Variants in CYB5R4 observed in about 807,000 individuals in gnomAD.
The protein encoded by CYB5R4 is cytochrome b5 reductase 4.
CYB5R4 carries 55 observed loss-of-function variants against 70.2 expected under a neutral mutation model. The ratio of observed to expected loss-of-function variants is 0.78; its 90% CI spans 0.63 to 0.98. The LOEUF (loss-of-function observed/expected upper bound fraction) is 0.98. Ranked by LOEUF, CYB5R4 falls within the 50% of genes least tolerant of loss-of-function variation. The probability of loss-of-function intolerance (pLI) is 0.00; values close to 1 mark genes in which losing one functional copy is unlikely to be tolerated. For missense variants in CYB5R4, 562 were observed against 612.6 expected (o/e 0.92, Z 0.87); for synonymous variants, 197 against 199.5 (o/e 0.99, Z 0.11).
chr6:83,926,923 G>T lies in CYB5R4; in HGVS notation c.814+2331G>T, dbSNP rs376528760. 2.6e-5 allele frequency among the ~76,000 whole-genome samples: 4 copies of T among 152,128 alleles called. No homozygotes were observed. The South Asian group carries it at 8.3e-4, about 31-fold the overall frequency. On this transcript the variant is annotated intron_variant, in intron 10 of 15. Transcript: ENST00000369681. Reference sequence around the variant, plus strand: ...GTCCTGCCAGTTTCTGGGCCTTAAAGGAATTTTGTATTATAAGCATGTTGG... The same window carrying T: ...GTCCTGCCAGTTTCTGGGCCTTAAATGAATTTTGTATTATAAGCATGTTGG...
Position 83,961,620 on chromosome 6 carries a change from C to CA in CYB5R4, c.*1744dup, listed in dbSNP as rs2099473358. 6.6e-6 allele frequency: 1 copy of CA among 152,482 alleles called. No homozygotes were observed. Among genetic ancestry groups the CA allele is most frequent in the Non-Finnish European group, 1.5e-5 (1 of 68,330 alleles). 9.4% of individuals were successfully genotyped at this position (152,482 alleles called of 1,614,324 possible). A position where few individuals can be genotyped will look rare whatever the true frequency, so the allele number is the denominator to read the frequency against. The stretch of plus-strand genomic sequence containing the variant: ...TCCCCAGCCATGCAGAACTGTGAGT[C>CA]AATTAAACCTCTTTTCTTCATAAAT... On this transcript the variant is annotated 3_prime_UTR_variant, in exon 16 of 16. Transcript: ENST00000369681.
intron 1 of CYB5R4, among the ~76,000 whole-genome samples, chr6:83,860,966 T>C (rs914360492): frequency 2.6e-5 from 4 of 152,236 alleles, no homozygotes; most frequent in Non-Finnish European, 5.9e-5. Context: ...CGTAGGCTTG[T>C]GTTGTGGTTC....
intron 2 of CYB5R4, among the ~76,000 whole-genome samples, chr6:83,866,399 G>C (rs1324743229): frequency 2.6e-5 from 4 of 152,102 alleles, no homozygotes; most frequent in Non-Finnish European, 5.9e-5. Flanking sequence ...ATACTTACTG[G>C]TTGAGCATCC....
chr6:83,893,401 G>C, intron 2 of CYB5R4, 121 bp from the exon 3 acceptor site: 1 of 622,990 alleles, frequency 1.6e-6, no homozygotes. Flanking sequence ...TTGATACTTT[G>C]AAATAACAGT....
chr6:83,928,889 A>G (rs2099467729), intron 10 of CYB5R4, among the ~76,000 whole-genome samples: 1 of 152,226 alleles, frequency 6.6e-6, no homozygotes, highest in Non-Finnish European at 1.5e-5. Context: ...AATACTAGTT[A>G]GAACGACATC....
rs770988539 is a variant in CYB5R4 at position 83,918,099 on chromosome 6, A to T, written c.506+34A>T. 3.4e-5 allele frequency: 51 copies of T among 1,496,010 alleles called. 1 individual carries two copies. Among genetic ancestry groups the T allele is most frequent in the Non-Finnish European group, 4.4e-5 (47 of 1,077,006 alleles). The allele number at this position is 1,496,010 out of a possible 1,614,324, so 92.7% of individuals were successfully genotyped here. On this transcript the variant is annotated intron_variant, in intron 6 of 15. Coordinates refer to ENST00000369681, the MANE Select transcript of CYB5R4 (RefSeq NM_016230.4). ...TCTTATTTAAAATTTTTAAAGTTAA[A>T]TCAATTATGTACAAAAATGTACACA...
chr6:83,933,517 A>G (rs569279818), intron 10 of CYB5R4, among the ~76,000 whole-genome samples: 4 of 152,304 alleles, frequency 2.6e-5, no homozygotes, highest in African/African-American at 9.6e-5. Flanking sequence ...GAATATTTTT[A>G]GCTTAAAAAA....
intron 4 of CYB5R4, chr6:83,910,035 G>T: frequency 6.2e-7 from 1 of 1,611,982 alleles, no homozygotes; most frequent in Non-Finnish European, 8.5e-7. Flanking sequence ...AAGCTGGTAC[G>T]CATGCATTGG....
At chr6:83,931,689 A>G (rs1420715457) in intron 10 of CYB5R4, among the ~76,000 whole-genome samples, 3 of 151,750 alleles carry the variant, frequency 2.0e-5, no homozygotes, top group Non-Finnish European at 4.4e-5. Context: ...ATTTTTTAGC[A>G]TAATTACCTG....
rs1296429292 is a variant in CYB5R4, at chr6:83,934,657, T to C, written c.877T>C (p.Phe293Leu). Residue 293 changes from phenylalanine to leucine, a missense_variant, in exon 11 of 16, where the codon TTC becomes CTC. Physicochemically the swap from Phe to Leu is conservative, Grantham distance 22. Transcript: ENST00000369681. ...KEDVTHDTRL[F>L]CLMLPPSTHL... is the part of the protein sequence containing the mutation. ...AGATGTTACTCATGATACGAGGCTT[T>C]TCTGTTTGATGCTGCCACCAAGCAC... 3.1e-6 allele frequency: 5 copies of C among 1,613,610 alleles called. No homozygotes were observed. The African/African-American group carries it at 6.7e-5, about 22-fold the overall frequency.
chr6:83,862,562 C>A (rs890830162), intron 1 of CYB5R4, among the ~76,000 whole-genome samples: 2 of 152,116 alleles, frequency 1.3e-5, no homozygotes, highest in Non-Finnish European at 2.9e-5. Flanking sequence ...ATAATCAGTT[C>A]CCATTTGGCT....
At chr6:83,953,468 G>GA (rs973932410) in intron 14 of CYB5R4, among the ~76,000 whole-genome samples, 34 of 150,350 alleles carry the variant, frequency 2.3e-4, no homozygotes, top group African/African-American at 6.8e-4. Flanking sequence ...TCTTTAGCTA[G>GA]AAAAAAAACA....
chr6:83,900,878 G>A (rs1019774237), intron 3 of CYB5R4, among the ~76,000 whole-genome samples: 51 of 152,116 alleles, frequency 3.4e-4, no homozygotes, highest in Middle Eastern at 3.2e-3. Context: ...CGTGAGATGG[G>A]TTTCCTGAAT....
At chr6:83,910,755 TA>T (rs1266502980) in intron 4 of CYB5R4, among the ~76,000 whole-genome samples, 4 of 152,132 alleles carry the variant, frequency 2.6e-5, no homozygotes, top group Non-Finnish European at 5.9e-5. Flanking sequence ...CAGAGTTGAT[TA>T]AAAAAATGAC....
At chr6:83,898,913 G>A (rs1483927559) in intron 3 of CYB5R4, among the ~76,000 whole-genome samples, 1 of 152,198 alleles carries the variant, frequency 6.6e-6, no homozygotes, top group African/African-American at 2.4e-5. Flanking sequence ...TCTGCAAACA[G>A]GGACAATTTG....
rs1180800510 is a variant in CYB5R4, at chr6:83,962,454, T to A, written c.*2576T>A. The A allele has an allele frequency of 6.6e-6, 1 of 152,240 alleles. No homozygotes were observed. The highest frequency in any genetic ancestry group is 1.5e-5 in the Non-Finnish European group (1 of 68,032). 9.4% of individuals were successfully genotyped at this position (152,240 alleles called of 1,614,324 possible). On this transcript the variant is annotated 3_prime_UTR_variant, in exon 16 of 16. Coordinates refer to ENST00000369681, the MANE Select transcript of CYB5R4 (RefSeq NM_016230.4). ...TCACATATTTGCAGTGAAGAAGAAT[T>A]ACGCTCAAAGTCACATTTGCTTGCA...
At chr6:83,933,095 T>G (rs910493851) in intron 10 of CYB5R4, among the ~76,000 whole-genome samples, 9 of 152,168 alleles carry the variant, frequency 5.9e-5, no homozygotes, top group African/African-American at 1.4e-4. Flanking sequence ...GAGAAAGAAA[T>G]AAAGAGATCA....
Position 83,885,589 on chromosome 6 carries a change from G to A in CYB5R4, c.230-7933G>A, listed in dbSNP as rs1445277640. On this transcript the variant is annotated intron_variant, in intron 2 of 15. Coordinates refer to ENST00000369681, the MANE Select transcript of CYB5R4 (RefSeq NM_016230.4). ...GATAGATTAGTAGGTATAAAATGTC[G>A]CTTTAATCTTGCATTGTACTACCTT... 3.9e-5 allele frequency among the ~76,000 whole-genome samples: 6 copies of A among 152,256 alleles called. No homozygotes were observed. In the South Asian group the frequency reaches 8.3e-4, roughly 21 times the overall value.
chr6:83,917,491 G>T (rs1025364068), intron 5 of CYB5R4, among the ~76,000 whole-genome samples: 2 of 152,132 alleles, frequency 1.3e-5, no homozygotes, highest in Non-Finnish European at 2.9e-5. Flanking sequence ...ATCAACAGGA[G>T]AATGAATAAA....
Sources: gnomAD v4.1 joint callset for allele counts (sites outside exome capture counted in the v4.1 genomes callset) on GRCh38, gnomAD v4.1.1 for gene constraint, MANE v1.5 for transcripts, NCBI Gene and HGNC (gene_info 2026-07-23, HGNC 2026-07-21) for gene names.